The following RYR3 variants were observed in gnomAD, a reference collection of about 807,000 sequenced individuals.
RYR3 encodes ryanodine receptor 3.
Under a neutral mutation model 584.3 loss-of-function variants are expected in RYR3, and 207 were observed. That is an observed-to-expected ratio of 0.35 (90% CI 0.32 to 0.40). The LOEUF is 0.40. Among genes scored for constraint, RYR3 ranks in the 10% least tolerant of loss-of-function variants. The pLI is 1.00. For missense variants in RYR3, 5,616 were observed against 6,089.2 expected, an observed-to-expected ratio of 0.92 and a Z score of 2.59; for synonymous variants, 2,416 against 2,248.5, an observed-to-expected ratio of 1.07 and a Z score of -2.11.
intron 3 of RYR3, among the ~76,000 whole-genome samples, chr15:33,510,069 G>A (rs2052839865): frequency 1.3e-5 from 2 of 152,074 alleles, no homozygotes; most frequent in African/African-American, 4.8e-5. Context: ...AAATCAACTT[G>A]GCAAAATTGC....
At chr15:33,332,415 G>C (rs756505413) in intron 1 of RYR3, among the ~76,000 whole-genome samples, 3 of 152,032 alleles carry the variant, frequency 2.0e-5, no homozygotes, top group Non-Finnish European at 4.4e-5. Context: ...TAATTGATCT[G>C]TTAAGCAATC....
At chr15:33,568,903 CATTAA>C (rs1196484662) in intron 12 of RYR3, among the ~76,000 whole-genome samples, 1 of 152,214 alleles carries the variant, frequency 6.6e-6, no homozygotes, top group Non-Finnish European at 1.5e-5. Flanking sequence ...CAATTTAATA[CATTAA>C]ATTAATAAAT....
In RYR3 at chr15:33,311,208, C is replaced by T. The variant is rs1459815032; in HGVS notation, c.51+112C>T. ...GGTGCCGGGTGCCCGGTGCCGGGCG[C>T]TTTCTCCGCACCCGCGGGCTGCAGA... On this transcript the variant is annotated intron_variant, in intron 1 of 103. Transcript: ENST00000634891. The surrounding 1 kb of genome is among the most constrained non-coding windows in gnomAD (Gnocchi z 4.4). 2 of 791,384 alleles carry T rather than the reference C, an allele frequency of 2.5e-6. No homozygotes were observed. Among genetic ancestry groups the T allele is most frequent in the East Asian group, 7.0e-5 (2 of 28,516 alleles). The allele number at this position is 791,384 out of a possible 1,614,324, so 49.0% of individuals were successfully genotyped here.
At position 33,534,280 on chromosome 15, in the gene RYR3, A is replaced by G. The variant is rs189491178; in HGVS notation, c.433+891A>G. On this transcript the variant is annotated intron_variant, in intron 5 of 103. Transcript: ENST00000634891. ...GCTGGGTGTGGTGGCAGGCGCCTGT[A>G]ATCCCAGCTACTCAGGAGGCTGAGG... Among the ~76,000 whole-genome samples the G allele has an allele frequency of 2.8e-3, 419 of 152,336 alleles. 3 individuals are homozygous for G. The highest frequency in any genetic ancestry group is 4.8e-3 in the Non-Finnish European group (328 of 68,026).
intron 1 of RYR3, among the ~76,000 whole-genome samples, chr15:33,348,778 AT>A (rs1230386723): frequency 6.6e-6 from 1 of 150,482 alleles, no homozygotes; most frequent in African/African-American, 2.4e-5. Flanking sequence ...GCCTGGCCTA[AT>A]TTAAAAAAAA....
chr15:33,588,607 CT>C (rs1055287811), intron 16 of RYR3, among the ~76,000 whole-genome samples: 41 of 152,276 alleles, frequency 2.7e-4, no homozygotes, highest in African/African-American at 9.9e-4. Flanking sequence ...CATTTACCCC[CT>C]CCCACACTTC....
intron 49 of RYR3, among the ~76,000 whole-genome samples, 188 bp from the exon 50 acceptor site, chr15:33,738,262 C>G (rs989329523): frequency 1.3e-5 from 2 of 152,144 alleles, no homozygotes; most frequent in Non-Finnish European, 2.9e-5. Context: ...CTCAAGCTGA[C>G]TGTTCCCAGC....
At chr15:33,466,149 GT>G (rs2048470811) in intron 1 of RYR3, among the ~76,000 whole-genome samples, 1 of 152,088 alleles carries the variant, frequency 6.6e-6, no homozygotes, top group Non-Finnish European at 1.5e-5. Flanking sequence ...AAATACACCT[GT>G]TTTTTAAAGC....
chr15:33,576,320 G>T (rs2058300203), intron 12 of RYR3, among the ~76,000 whole-genome samples: 1 of 152,144 alleles, frequency 6.6e-6, no homozygotes, highest in East Asian at 1.9e-4. Flanking sequence ...AACAAAAAGA[G>T]AAAACTTCAG....
Position 33,816,860 on chromosome 15 carries a change from A to G in RYR3, c.10503-2A>G. On this transcript the variant is annotated splice_acceptor_variant, in intron 74 of 103. Coordinates refer to ENST00000634891, the MANE Select transcript of RYR3 (RefSeq NM_001036.6). LOFTEE classifies it high-confidence loss of function. Reference sequence around the variant, plus strand: ...GACCTCCCTCTCACCCCTTCCGCTCAGGCACCGCTCTATTAACCTCTTCCT... The same window carrying G: ...GACCTCCCTCTCACCCCTTCCGCTCGGGCACCGCTCTATTAACCTCTTCCT... 6.2e-7 allele frequency: 1 copy of G among 1,608,252 alleles called. No homozygotes were observed. The highest frequency in any genetic ancestry group is 8.5e-7 in the Non-Finnish European group (1 of 1,175,840).
At chr15:33,403,434 T>C (rs2042815655) in intron 1 of RYR3, among the ~76,000 whole-genome samples, 1 of 152,218 alleles carries the variant, frequency 6.6e-6, no homozygotes, top group Non-Finnish European at 1.5e-5. Flanking sequence ...TGGGGGTGGA[T>C]GTCTGATGTT....
intron 38 of RYR3, among the ~76,000 whole-genome samples, chr15:33,688,863 TC>T (rs1179590828): frequency 6.6e-6 from 1 of 152,110 alleles, no homozygotes; most frequent in Admixed American, 6.6e-5. Context: ...GATCCGGCAA[TC>T]CCATTACTGG....
intron 38 of RYR3, among the ~76,000 whole-genome samples, chr15:33,672,572 A>T (rs2063912095): frequency 6.6e-6 from 1 of 152,192 alleles, no homozygotes; most frequent in Non-Finnish European, 1.5e-5. Flanking sequence ...CTGGCATTTT[A>T]AAATAAATTC....
intron 43 of RYR3, among the ~76,000 whole-genome samples, chr15:33,718,893 C>CATATTCAA (rs1349840516): frequency 6.6e-6 from 1 of 152,184 alleles, no homozygotes; most frequent in Non-Finnish European, 1.5e-5. Flanking sequence ...CATATTAGAA[C>CATATTCAA]TCAAGCAGAA....
At chr15:33,809,297 C>T (rs1293259052) in intron 70 of RYR3, among the ~76,000 whole-genome samples, 2 of 152,188 alleles carry the variant, frequency 1.3e-5, no homozygotes, top group African/African-American at 4.8e-5. Context: ...TTGCTGCAAA[C>T]ACTCCATGGT....
intron 3 of RYR3, among the ~76,000 whole-genome samples, chr15:33,525,544 C>T (rs1344216145): frequency 6.6e-6 from 1 of 152,188 alleles, no homozygotes; most frequent in African/African-American, 2.4e-5. Context: ...ACAAAGTACA[C>T]CTTTCCATTT....
At chr15:33,651,463 C>T (rs2062458338) in intron 31 of RYR3, among the ~76,000 whole-genome samples, 1 of 152,228 alleles carries the variant, frequency 6.6e-6, no homozygotes, top group Admixed American at 6.5e-5. Flanking sequence ...CGAGCAGACC[C>T]ATCATTGTCC....
intron 40 of RYR3, among the ~76,000 whole-genome samples, chr15:33,699,236 GTCTCTCTC>G (rs5811786): frequency 1.7e-5 from 2 of 114,474 alleles, no homozygotes; most frequent in South Asian, 3.5e-4. Context: ...CTGTCTGTCT[GTCTCTCTC>G]TCTCTCTCTC....
intron 1 of RYR3, among the ~76,000 whole-genome samples, chr15:33,366,899 T>C (rs575660967): frequency 6.6e-4 from 100 of 152,298 alleles, no homozygotes; most frequent in African/African-American, 2.4e-3. Flanking sequence ...TTCTAACAGC[T>C]AAGATGGAAT....
Sources: allele counts gnomAD v4.1 joint callset (sites outside exome capture counted in the v4.1 genomes callset), GRCh38; gene constraint gnomAD v4.1.1; non-coding constraint Gnocchi (gnomAD v3.1); transcripts MANE v1.5; gene names NCBI Gene and HGNC (gene_info 2026-07-23, HGNC 2026-07-21).